TTC29: variants seen among roughly 807,000 people sequenced by gnomAD.
The protein encoded by TTC29 is tetratricopeptide repeat domain 29.
A neutral mutation model predicts 58.1 loss-of-function variants in TTC29; 49 were observed. The ratio of observed to expected loss-of-function variants is 0.84; its 90% CI spans 0.67 to 1.07. The LOEUF (loss-of-function observed/expected upper bound fraction) is 1.07, where lower values mean the gene tolerates loss of function less well. TTC29 is among the 50% of genes least tolerant of loss of function. TTC29 has a pLI of 0.00. For missense variants in TTC29, 582 were observed against 555.6 expected, an observed-to-expected ratio of 1.05 and a Z score of -0.48; for synonymous variants, 209 against 196.8, an observed-to-expected ratio of 1.06 and a Z score of -0.52.
At chr4:146,716,937 G>A (rs1742974702) in intron 11 of TTC29, among the ~76,000 whole-genome samples, 1 of 152,178 alleles carries the variant, frequency 6.6e-6, no homozygotes, top group South Asian at 2.1e-4. Context: ...TACTCAAAGT[G>A]TGGTCTCCAA....
At chr4:146,902,747 T>C (rs373564757) in intron 6 of TTC29, among the ~76,000 whole-genome samples, 6 of 152,170 alleles carry the variant, frequency 3.9e-5, no homozygotes, top group African/African-American at 1.4e-4. Context: ...TCAGGCGCCT[T>C]GCGAGCTTTA....
In TTC29 at chr4:146,874,839, TGA is replaced by T. The variant is rs1731154405; in HGVS notation, c.674_675del (p.Leu225GlnfsTer6). On this transcript the variant is annotated frameshift_variant, in exon 7 of 13. Coordinates refer to ENST00000325106, the MANE Select transcript of TTC29 (RefSeq NM_031956.4). LOFTEE classifies it high-confidence loss of function. The stretch of plus-strand genomic sequence containing the variant: ...AGGAGACTCTCACAGGCCAACAAGT[TGA>T]GAGAGCGGCCTGTCTCATCCTTCCA... ...RIWKDETGRS[L>X]NLLACESLLR... The T allele has an allele frequency of 6.2e-7, 1 of 1,613,274 alleles. No homozygotes were observed. Among genetic ancestry groups the T allele is most frequent in the African/African-American group, 1.3e-5 (1 of 74,902 alleles).
At chr4:146,739,645 C>T (rs1374944981) in intron 11 of TTC29, among the ~76,000 whole-genome samples, 4 of 152,114 alleles carry the variant, frequency 2.6e-5, no homozygotes, top group Admixed American at 6.6e-5. Context: ...TTTGGATATT[C>T]GGAGTGGAGA....
rs796875089 is a variant in TTC29, at chr4:146,794,886, A to G, written c.1330+8571T>C. Reference sequence around the variant, plus strand: ...GGAAATGCACAGTCTTAATTCAGAGAAATCAGACTTATCTCACTAAAGTTT... The same window carrying G: ...GGAAATGCACAGTCTTAATTCAGAGGAATCAGACTTATCTCACTAAAGTTT... On this transcript the variant is annotated intron_variant, in intron 11 of 12. Coordinates refer to ENST00000325106, the MANE Select transcript of TTC29 (RefSeq NM_031956.4). 5.9e-5 allele frequency among the ~76,000 whole-genome samples: 9 copies of G among 152,102 alleles called. No individual in the cohort carries two copies. In the South Asian group the frequency reaches 1.9e-3, roughly 32 times the overall value.
At chr4:146,735,401 C>A (rs576406610) in intron 11 of TTC29, among the ~76,000 whole-genome samples, 4 of 152,252 alleles carry the variant, frequency 2.6e-5, no homozygotes, top group African/African-American at 9.6e-5. Flanking sequence ...GGGACAGTAT[C>A]TTTGGTTTTA....
At chr4:146,896,488 A>T (rs1460602149) in intron 6 of TTC29, among the ~76,000 whole-genome samples, 1 of 152,162 alleles carries the variant, frequency 6.6e-6, no homozygotes, top group Non-Finnish European at 1.5e-5. Context: ...TGAATATTCA[A>T]AATATTCCCA....
chr4:146,932,025 T>C (rs951368174), intron 4 of TTC29, among the ~76,000 whole-genome samples: 3 of 152,174 alleles, frequency 2.0e-5, no homozygotes, highest in Non-Finnish European at 4.4e-5. Flanking sequence ...CTTTCTTTTC[T>C]TTCTTCCTTT....
chr4:146,944,554 C>T (rs1448602189), intron 2 of TTC29, among the ~76,000 whole-genome samples: 1 of 152,112 alleles, frequency 6.6e-6, no homozygotes, highest in Admixed American at 6.5e-5. Flanking sequence ...TAAATGGAGG[C>T]TACTTGGAGA....
intron 8 of TTC29, among the ~76,000 whole-genome samples, chr4:146,847,004 T>C (rs2357280): frequency 0.43 from 65,993 of 152,058 alleles, 15,508 homozygotes; most frequent in African/African-American, 0.6. Context: ...TGTGTGAACA[T>C]GTTCCTTTAA....
intron 4 of TTC29, among the ~76,000 whole-genome samples, chr4:146,934,766 CAAG>C (rs1735643054): frequency 6.6e-6 from 1 of 151,986 alleles, no homozygotes; most frequent in Non-Finnish European, 1.5e-5. Context: ...ACAAAATGTT[CAAG>C]AAGATGAGAG....
chr4:146,773,701 T>C (rs1481522343), intron 11 of TTC29, among the ~76,000 whole-genome samples: 1 of 152,070 alleles, frequency 6.6e-6, no homozygotes, highest in Non-Finnish European at 1.5e-5. Flanking sequence ...AAGTTTTCTC[T>C]TTTTTTGTGT....
intron 10 of TTC29, among the ~76,000 whole-genome samples, chr4:146,804,568 T>C (rs1421109140): frequency 6.6e-6 from 1 of 152,118 alleles, no homozygotes; most frequent in Non-Finnish European, 1.5e-5. Flanking sequence ...CCCACCATTA[T>C]GGAGGCTTGA....
chr4:146,752,403 G>A (rs1251915008), intron 11 of TTC29, among the ~76,000 whole-genome samples: 2 of 143,528 alleles, frequency 1.4e-5, no homozygotes, highest in African/African-American at 5.4e-5. Context: ...AATAAAAGAG[G>A]ATACAAACAA....
chr4:146,757,973 T>C (rs956609220), intron 11 of TTC29, among the ~76,000 whole-genome samples: 3 of 151,020 alleles, frequency 2.0e-5, no homozygotes, highest in Non-Finnish European at 4.4e-5. Flanking sequence ...GCACAATGAA[T>C]GCAACAGTAC....
At chr4:146,917,115 C>T (rs993976721) in intron 4 of TTC29, among the ~76,000 whole-genome samples, 1 of 150,912 alleles carries the variant, frequency 6.6e-6, no homozygotes, top group South Asian at 2.1e-4. Context: ...ATGACTACTG[C>T]TTATTTTCTA....
At chr4:146,724,570 C>T (rs1277223029) in intron 11 of TTC29, among the ~76,000 whole-genome samples, 1 of 151,678 alleles carries the variant, frequency 6.6e-6, no homozygotes, top group Non-Finnish European at 1.5e-5. Context: ...CTCACTCTGT[C>T]ATGGCACAAG....
chr4:146,710,430 C>T (rs1185032456), intron 11 of TTC29, among the ~76,000 whole-genome samples: 1 of 152,152 alleles, frequency 6.6e-6, no homozygotes, highest in Non-Finnish European at 1.5e-5. Context: ...CTTTTAGTAT[C>T]ACCATTGTGT....
At chr4:146,764,737 G>A in intron 11 of TTC29, among the ~76,000 whole-genome samples, 1 of 152,016 alleles carries the variant, frequency 6.6e-6, no homozygotes, top group Non-Finnish European at 1.5e-5. Flanking sequence ...GCCAGACTTA[G>A]GCTTTAACAA....
intron 6 of TTC29, among the ~76,000 whole-genome samples, chr4:146,877,703 A>G (rs1009498577): frequency 6.6e-6 from 1 of 152,142 alleles, no homozygotes; most frequent in Non-Finnish European, 1.5e-5. Flanking sequence ...GCGTCCATCT[A>G]TTCATAAAGT....
Sources: gnomAD v4.1 joint callset for allele counts (sites outside exome capture counted in the v4.1 genomes callset) on GRCh38, gnomAD v4.1.1 for gene constraint, MANE v1.5 for transcripts, NCBI Gene and HGNC (gene_info 2026-07-23, HGNC 2026-07-21) for gene names.